Variants in SPPL3 observed in about 807,000 individuals in gnomAD.
SPPL3 encodes the protein signal peptide peptidase-like 3.
SPPL3 carries 5 observed loss-of-function variants against 42.4 expected under a neutral mutation model. The ratio of observed to expected loss-of-function variants is 0.12; its 90% CI spans 0.06 to 0.25. The LOEUF is 0.25. Among genes scored for constraint, SPPL3 ranks in the 10% least tolerant of loss-of-function variants. The pLI is 1.00. For missense variants in SPPL3, 235 were observed against 489.0 expected (o/e 0.48, Z 4.90); for synonymous variants, 195 against 181.8 (o/e 1.07, Z -0.58).
chr12:120,785,560 G>GA (rs200400454), intron 3 of SPPL3, among the ~76,000 whole-genome samples: 129 of 148,370 alleles, frequency 8.7e-4, no homozygotes, highest in African/African-American at 2.8e-3. Flanking sequence ...ACCACTGAAT[G>GA]AAAAAAAAAA....
chr12:120,791,214 T>C (rs1316869271), intron 3 of SPPL3, among the ~76,000 whole-genome samples: 2 of 152,208 alleles, frequency 1.3e-5, no homozygotes, highest in Non-Finnish European at 2.9e-5. Context: ...ACATGGCAGA[T>C]CTCAATATAA....
At chr12:120,803,040 G>A (rs1485465517) in intron 2 of SPPL3, among the ~76,000 whole-genome samples, 1 of 152,150 alleles carries the variant, frequency 6.6e-6, no homozygotes, top group African/African-American at 2.4e-5. Context: ...TCTTTATGAA[G>A]GTCGTTAGGA....
rs538648235 is a variant in SPPL3, at chr12:120,884,543, T to C, written c.23+19302A>G. ...GGGATTTCTGGGTTTCAACAACTTG[T>C]ATAATTTAAAAAAAAAAAAAAACCA... On this transcript the variant is annotated intron_variant, in intron 1 of 10. Transcript: ENST00000353487. 5.6e-4 allele frequency among the ~76,000 whole-genome samples: 56 copies of C among 100,460 alleles called. No homozygotes were observed. In the East Asian group the frequency reaches 0.027, roughly 49 times the overall value. 65.9% of individuals were successfully genotyped at this position (100,460 alleles called of 152,430 possible). A position where few individuals can be genotyped will look rare whatever the true frequency, so the allele number is the denominator to read the frequency against.
intron 1 of SPPL3, among the ~76,000 whole-genome samples, chr12:120,850,838 A>G (rs1234221892): frequency 1.3e-5 from 2 of 152,274 alleles, no homozygotes; most frequent in African/African-American, 2.4e-5. Context: ...CATTCCCTTC[A>G]TCGATCACTA....
At chr12:120,891,341 C>T (rs146277349) in intron 1 of SPPL3, among the ~76,000 whole-genome samples, 99 of 152,190 alleles carry the variant, frequency 6.5e-4, no homozygotes, top group South Asian at 2.7e-3. Flanking sequence ...TTCCAGATGA[C>T]GGTGTTATTT....
In SPPL3 at chr12:120,766,350, C is replaced by G. The variant is rs774403198; in HGVS notation, c.996G>C (p.Ala332=). Residue 332 remains alanine (A), a synonymous_variant, in exon 10 of 11, where the codon GCG becomes GCC. Transcript: ENST00000353487. ...YFVGLLTATV[A]SRIHRAAQPA... The stretch of plus-strand genomic sequence containing the variant: ...GCTGGGCGGCCCGGTGAATGCGAGA[C>G]GCCACAGTAGCAGTGAGCAGGCCTG... The G allele has an allele frequency of 1.3e-6, 2 of 1,594,858 alleles. No individual in the cohort carries two copies. Among genetic ancestry groups the G allele is most frequent in the Non-Finnish European group, 1.7e-6 (2 of 1,171,288 alleles).
intron 3 of SPPL3, among the ~76,000 whole-genome samples, chr12:120,787,437 C>T (rs1197427077): frequency 1.3e-5 from 2 of 152,080 alleles, no homozygotes; most frequent in East Asian, 3.9e-4. Flanking sequence ...ATATTGGCTT[C>T]TTGGGGGCAG....
rs551657478 is a variant in SPPL3 at position 120,843,342 on chromosome 12, T to C, written c.24-32456A>G. Among the ~76,000 whole-genome samples, 5 of 152,340 alleles carry C rather than the reference T, an allele frequency of 3.3e-5. No individual in the cohort carries two copies. The South Asian group carries it at 8.3e-4, about 25-fold the overall frequency. Reference sequence around the variant, plus strand: ...ATAATCACCGTCTCCTTCACTTCTATTCTCTCCTTGACCCATTCATATCTA... The same window carrying C: ...ATAATCACCGTCTCCTTCACTTCTACTCTCTCCTTGACCCATTCATATCTA... On this transcript the variant is annotated intron_variant, in intron 1 of 10. Transcript: ENST00000353487.
At chr12:120,882,187 C>T (rs1287291922) in intron 1 of SPPL3, among the ~76,000 whole-genome samples, 1 of 152,066 alleles carries the variant, frequency 6.6e-6, no homozygotes, top group African/African-American at 2.4e-5. Flanking sequence ...CATTTGATAA[C>T]CATCTTGGTT....
chr12:120,852,190 G>C (rs933427495), intron 1 of SPPL3, among the ~76,000 whole-genome samples: 2 of 151,962 alleles, frequency 1.3e-5, no homozygotes, highest in Non-Finnish European at 1.5e-5. Context: ...GTTATGCAAA[G>C]TGCATAGCTG....
intron 1 of SPPL3, among the ~76,000 whole-genome samples, chr12:120,872,798 T>C (rs1275418983): frequency 6.6e-6 from 1 of 152,068 alleles, no homozygotes; most frequent in Non-Finnish European, 1.5e-5. Flanking sequence ...GCCAAGTTAG[T>C]CCAAGGATTA....
intron 1 of SPPL3, among the ~76,000 whole-genome samples, chr12:120,835,185 A>G (rs1871569620): frequency 6.6e-6 from 1 of 152,258 alleles, no homozygotes; most frequent in Non-Finnish European, 1.5e-5. Context: ...TCGACAGTGC[A>G]TACTAAATGT....
At chr12:120,849,623 G>A (rs949378337) in intron 1 of SPPL3, among the ~76,000 whole-genome samples, 4 of 152,294 alleles carry the variant, frequency 2.6e-5, no homozygotes, top group African/African-American at 9.6e-5. Flanking sequence ...CGTGGCATCT[G>A]AAAATATGTC....
At chr12:120,849,361 T>C (rs1872148807) in intron 1 of SPPL3, among the ~76,000 whole-genome samples, 1 of 152,180 alleles carries the variant, frequency 6.6e-6, no homozygotes, top group Admixed American at 6.5e-5. Flanking sequence ...TACAAAGTTG[T>C]AGCCAACTGG....
intron 3 of SPPL3, among the ~76,000 whole-genome samples, chr12:120,787,438 T>C (rs1364743576): frequency 6.6e-6 from 1 of 152,162 alleles, no homozygotes; most frequent in Non-Finnish European, 1.5e-5. Flanking sequence ...TATTGGCTTC[T>C]TGGGGGCAGG....
chr12:120,901,662 G>C (rs1643913367), intron 1 of SPPL3, among the ~76,000 whole-genome samples: 1 of 149,804 alleles, frequency 6.7e-6, no homozygotes, highest in South Asian at 2.1e-4. Flanking sequence ...CCTCTCTCCA[G>C]ATAATGTAAA....
At position 120,763,100 on chromosome 12, in the gene SPPL3, C is replaced by T. The variant is rs1868729426; in HGVS notation, c.*1899G>A. The T allele has an allele frequency of 6.6e-6, 1 of 152,238 alleles. No homozygotes were observed. Among genetic ancestry groups the T allele is most frequent in the Non-Finnish European group, 1.5e-5 (1 of 68,084 alleles). 9.4% of individuals were successfully genotyped at this position (152,238 alleles called of 1,614,324 possible). A position where few individuals can be genotyped will look rare whatever the true frequency, so the allele number is the denominator to read the frequency against. ...CTTCAGTTCTTTGATGTATCTATGA[C>T]TGGGCCAGAGCTGCAGATGACCAGG... On this transcript the variant is annotated 3_prime_UTR_variant, in exon 11 of 11. Coordinates refer to ENST00000353487, the MANE Select transcript of SPPL3 (RefSeq NM_139015.5).
chr12:120,857,265 C>G (rs1484259453), intron 1 of SPPL3, among the ~76,000 whole-genome samples: 2 of 152,154 alleles, frequency 1.3e-5, no homozygotes, highest in Admixed American at 6.6e-5. Context: ...AAATCAAAAC[C>G]ACAATGTGAT....
At chr12:120,868,775 C>T (rs867232499) in intron 1 of SPPL3, among the ~76,000 whole-genome samples, 11 of 152,010 alleles carry the variant, frequency 7.2e-5, no homozygotes, top group South Asian at 2.1e-4. Flanking sequence ...CCACCATGCC[C>T]GGCCAATGGT....
Sources: gnomAD v4.1 joint callset for allele counts (sites outside exome capture counted in the v4.1 genomes callset) on GRCh38, gnomAD v4.1.1 for gene constraint, MANE v1.5 for transcripts, NCBI Gene and HGNC (gene_info 2026-07-23, HGNC 2026-07-21) for gene names.